BEST1: variants seen among roughly 807,000 people sequenced by gnomAD.
BEST1 encodes bestrophin-1.
BEST1 carries 58 observed loss-of-function variants against 63.3 expected under a neutral mutation model. That is an observed-to-expected ratio of 0.92 (90% CI 0.74 to 1.14). The LOEUF (loss-of-function observed/expected upper bound fraction) is 1.14, where lower values mean the gene tolerates loss of function less well. BEST1 is among the 50% of genes most tolerant of loss of function. The pLI is 0.00. For missense variants in BEST1, 671 were observed against 740.1 expected (o/e 0.91, Z 1.08); for synonymous variants, 283 against 291.6 (o/e 0.97, Z 0.30).
At chr11:61,964,881 A>T, downstream of BEST1, 1 of 1,607,926 alleles carries the variant, frequency 6.2e-7, no homozygotes, top group Non-Finnish European at 8.5e-7. Context: ...TGTCTCAATG[A>T]AGTCACACAA....
chr11:61,963,932 T>C (rs1591317931), intron 10 of BEST1, 172 bp from the exon 11 acceptor site: 2 of 1,429,546 alleles, frequency 1.4e-6, no homozygotes, highest in Non-Finnish European at 1.8e-6. Flanking sequence ...CAGGAGGTGG[T>C]GGTTGCAGTG....
intron 10 of BEST1, chr11:61,963,631 C>T (rs1942301724): frequency 5.8e-6 from 6 of 1,036,734 alleles, no homozygotes; most frequent in Non-Finnish European, 7.0e-6. Context: ...GGTCAGAACA[C>T]GCAGCTATTA....
Position 61,962,823 on chromosome 11 carries a change from G to A in BEST1, c.1669G>A (p.Glu557Lys), listed in dbSNP as rs147192139. 766 of 1,614,126 alleles carry A rather than the reference G, an allele frequency of 4.7e-4. 3 individuals are homozygous for A. In the Middle Eastern group the frequency reaches 5.8e-3, roughly 12 times the overall value. The change falls in exon 10 of 11, where the codon GAA (glutamate) becomes AAA (lysine). Residue 557 changes from glutamate to lysine, a missense_variant. Physicochemically the swap from Glu to Lys is moderately conservative, Grantham distance 56. Coordinates refer to ENST00000378043, the MANE Select transcript of BEST1 (RefSeq NM_004183.4). ...IPENHLKEPLEQSPTNIHTTL... is the reference protein window; with the variant it reads ...IPENHLKEPLKQSPTNIHTTL... ...CGAAAATCACCTCAAAGAACCTTTGGAACAATCACCAACCAACATACACAC... is the reference window on the plus strand; with the variant it reads ...CGAAAATCACCTCAAAGAACCTTTGAAACAATCACCAACCAACATACACAC...
intron 10 of BEST1, chr11:61,963,841 C>G (rs1050367342): frequency 3.9e-6 from 5 of 1,270,688 alleles, no homozygotes; most frequent in Non-Finnish European, 5.0e-6. Flanking sequence ...CCATCTCTAC[C>G]AAAAAAAATA....
In BEST1 at chr11:61,962,312, C is replaced by G. The variant is rs780666113; in HGVS notation, c.1158C>G (p.His386Gln). ...QPNQEDEEDA[H>Q]AGIIGRFLGL... Reference sequence around the variant, plus strand: ...ATCAGGAGGACGAGGAGGATGCTCACGCTGGCATCATTGGCCGCTTCCTAG... The same window carrying G: ...ATCAGGAGGACGAGGAGGATGCTCAGGCTGGCATCATTGGCCGCTTCCTAG... The change falls in exon 10 of 11, where the codon CAC becomes CAG. Residue 386 changes from histidine (H) to glutamine (Q), a missense_variant. Coordinates refer to ENST00000378043, the MANE Select transcript of BEST1 (RefSeq NM_004183.4). 2.5e-6 allele frequency: 4 copies of G among 1,614,196 alleles called. No homozygotes were observed. Among genetic ancestry groups the G allele is most frequent in the Non-Finnish European group, 3.4e-6 (4 of 1,180,030 alleles).
chr11:61,958,086 C>A (rs1941585500), intron 6 of BEST1, 60 bp from the exon 7 acceptor site: 1 of 1,611,178 alleles, frequency 6.2e-7, no homozygotes, highest in Non-Finnish European at 8.5e-7. Context: ...GCCCCTGGAG[C>A]ATCCTGATTT....
chr11:61,963,445 C>T, intron 10 of BEST1: 1 of 1,146,140 alleles, frequency 8.7e-7, no homozygotes, highest in Non-Finnish European at 1.1e-6. Flanking sequence ...GGGAACCTCA[C>T]CAAAATACTT....
chr11:61,963,352 G>A (rs2134475659), intron 10 of BEST1: 1 of 1,285,262 alleles, frequency 7.8e-7, no homozygotes, highest in Non-Finnish European at 9.8e-7. Flanking sequence ...AGGAAAGGGT[G>A]GCAGGAACTG....
intron 2 of BEST1, among the ~76,000 whole-genome samples, chr11:61,953,724 A>G (rs2067418646): frequency 6.6e-6 from 1 of 151,974 alleles, no homozygotes; most frequent in Non-Finnish European, 1.5e-5. Flanking sequence ...TAAAATAAAA[A>G]TCAAAAAATG....
At chr11:61,963,718 C>T in intron 10 of BEST1, 1 of 1,128,540 alleles carries the variant, frequency 8.9e-7, no homozygotes, top group South Asian at 2.2e-5. Flanking sequence ...CATCTGTGGC[C>T]TGTTCAGCAA....
chr11:61,964,005 A>C, intron 10 of BEST1, 99 bp from the exon 11 acceptor site: 1 of 1,543,934 alleles, frequency 6.5e-7, no homozygotes, highest in South Asian at 1.2e-5. Context: ...AAAAAAAAAA[A>C]AGGATCGTCT....
intron 3 of BEST1, 167 bp from the exon 4 acceptor site, chr11:61,955,551 T>C (rs1028689667): frequency 1.0e-6 from 1 of 996,060 alleles, no homozygotes; most frequent in Non-Finnish European, 1.4e-6. Context: ...CGCGCCTCCA[T>C]GCGAGGCTCT....
intron 1 of BEST1, among the ~76,000 whole-genome samples, chr11:61,950,709 A>G (rs1375228355): frequency 6.6e-6 from 1 of 152,180 alleles, no homozygotes; most frequent in Admixed American, 6.5e-5. Context: ...ACGAGAACAC[A>G]AGAGGAGCTT....
chr11:61,959,842 C>A, intron 8 of BEST1, 50 bp from the exon 9 acceptor site: 1 of 1,607,608 alleles, frequency 6.2e-7, no homozygotes, highest in Non-Finnish European at 8.5e-7. Context: ...CATACAAGGT[C>A]CTGCCTGGGA....
chr11:61,958,285 T>C lies in BEST1; in HGVS notation c.854T>C (p.Val285Ala), dbSNP rs376577490. 1.9e-6 allele frequency: 3 copies of C among 1,614,110 alleles called. No homozygotes were observed. In the African/African-American group the frequency reaches 4.0e-5, roughly 22 times the overall value. ...VFTFLQFFFY[V>A]GWLKVAEQLI... ...ACGTTCCTGCAGTTCTTCTTCTATGTTGGCTGGCTGAAGGTGGGCCTCTCC... is the reference window on the plus strand; with the variant it reads ...ACGTTCCTGCAGTTCTTCTTCTATGCTGGCTGGCTGAAGGTGGGCCTCTCC... Residue 285 changes from valine (V) to alanine (A), a missense_variant, in exon 7 of 11, where the codon GTT becomes GCT. Coordinates refer to ENST00000378043, the MANE Select transcript of BEST1 (RefSeq NM_004183.4).
chr11:61,955,712 G>A lies in BEST1; in HGVS notation c.248-6G>A, dbSNP rs917945147. 1.2e-4 allele frequency: 185 copies of A among 1,544,850 alleles called. No homozygotes were observed. Among genetic ancestry groups the A allele is most frequent in the Non-Finnish European group, 1.5e-4 (173 of 1,144,086 alleles). On this transcript the variant is annotated splice_polypyrimidine_tract_variant and splice_region_variant and intron_variant, in intron 3 of 10. Coordinates refer to ENST00000378043, the MANE Select transcript of BEST1 (RefSeq NM_004183.4). ...TCGCCCCTCGCCCCCCGCCCCTCCT[G>A]CCCAGGCTTCTACGTGACGCTGGTC...
At chr11:61,958,543 G>T in intron 7 of BEST1, 2 of 947,792 alleles carry the variant, frequency 2.1e-6, no homozygotes, top group Admixed American at 2.0e-5. Flanking sequence ...CTGGGCAAAA[G>T]AATGAAACTC....
At chr11:61,959,457 A>C (rs1941801800) in intron 7 of BEST1, 41 bp from the exon 8 acceptor site, 3 of 1,595,146 alleles carry the variant, frequency 1.9e-6, no homozygotes, top group Non-Finnish European at 2.6e-6. Flanking sequence ...GGCTTTGAGG[A>C]GTTCTGCCTG....
rs1158112939 is a variant in BEST1 at position 61,964,391 on chromosome 11, T to C, written c.*269T>C. On this transcript the variant is annotated 3_prime_UTR_variant, in exon 11 of 11. Transcript: ENST00000378043. ...TCAGAGTCGGGAACCCTTAGTTCTA[T>C]CTGAATCCAAGACAGCCACACCTTA... is the stretch of plus-strand genomic sequence containing the variant. The C allele has an allele frequency of 1.5e-5, 10 of 672,604 alleles. No homozygotes were observed. Among genetic ancestry groups the C allele is most frequent in the Non-Finnish European group, 2.5e-5 (10 of 405,470 alleles). The allele number at this position is 672,604 out of a possible 1,614,324, so 41.7% of individuals were successfully genotyped here. A position where few individuals can be genotyped will look rare whatever the true frequency, so the allele number is the denominator to read the frequency against.
Sources: allele counts gnomAD v4.1 joint callset (sites outside exome capture counted in the v4.1 genomes callset), GRCh38; gene constraint gnomAD v4.1.1; transcripts MANE v1.5; gene names NCBI Gene and HGNC (gene_info 2026-07-23, HGNC 2026-07-21).